PRX: variants seen among roughly 807,000 people sequenced by gnomAD.
PRX encodes periaxin.
A neutral mutation model predicts 29.6 loss-of-function variants in PRX; 24 were observed. The ratio of observed to expected loss-of-function variants is 0.81; its 90% CI spans 0.59 to 1.14. PRX has a LOEUF of 1.14. PRX is among the 50% of genes most tolerant of loss of function. The pLI is 0.00. For synonymous variants in PRX, 772 were observed against 831.7 expected, an observed-to-expected ratio of 0.93 and a Z score of 1.24; for missense variants, 1,838 against 1,926.4, an observed-to-expected ratio of 0.95 and a Z score of 0.86.
At chr19:40,405,926 C>T (rs1042495159) in intron 4 of PRX, among the ~76,000 whole-genome samples, 68 of 151,502 alleles carry the variant, frequency 4.5e-4, no homozygotes, top group African/African-American at 1.5e-3. Context: ...CATGAGCCAC[C>T]GCGCCCGGCC....
chr19:40,410,672 A>T (rs1321638232), intron 1 of PRX, among the ~76,000 whole-genome samples: 1 of 152,150 alleles, frequency 6.6e-6, no homozygotes, highest in Non-Finnish European at 1.5e-5. Flanking sequence ...GGGGTTCGAG[A>T]CCAGTCTGGC....
At position 40,398,905 on chromosome 19, in the gene PRX, T is replaced by G; in HGVS notation, c.185-89A>C. ...GCCCACTTGCACGGAGCCCTCGCGGTGAGGACCCGCCCCAAATTTTAGTTT... is the reference window on the plus strand; with the variant it reads ...GCCCACTTGCACGGAGCCCTCGCGGGGAGGACCCGCCCCAAATTTTAGTTT... On this transcript the variant is annotated intron_variant, in intron 5 of 6. Coordinates refer to ENST00000324001, the MANE Select transcript of PRX (RefSeq NM_181882.3). The surrounding 1 kb of genome is among the most constrained non-coding windows in gnomAD (Gnocchi z 6.3). 1 of 1,586,366 alleles carries G rather than the reference T, an allele frequency of 6.3e-7. No homozygotes were observed. The highest frequency in any genetic ancestry group is 8.6e-7 in the Non-Finnish European group (1 of 1,165,932).
In PRX at chr19:40,398,104, C is replaced by T. The variant is rs2079460701; in HGVS notation, c.382-134G>A. The stretch of plus-strand genomic sequence containing the variant: ...TATCTTGTTCCCCAAACATCATCCC[C>T]ACTTCTTGCCTGTCATTTCACCATG... On this transcript the variant is annotated intron_variant, in intron 6 of 6. Coordinates refer to ENST00000324001, the MANE Select transcript of PRX (RefSeq NM_181882.3). This position sits in a 1 kb window ranked among gnomAD's most constrained non-coding sequence, Gnocchi z 6.3. 1 of 1,444,384 alleles carries T rather than the reference C, an allele frequency of 6.9e-7. No individual in the cohort carries two copies. Among genetic ancestry groups the T allele is most frequent in the Non-Finnish European group, 9.1e-7 (1 of 1,100,890 alleles). The allele number at this position is 1,444,384 out of a possible 1,614,324, so 89.5% of individuals were successfully genotyped here. A position where few individuals can be genotyped will look rare whatever the true frequency, so the allele number is the denominator to read the frequency against.
At position 40,398,271 on chromosome 19, in the gene PRX, GGAGA is replaced by G; in HGVS notation, c.382-305_382-302del. The stretch of plus-strand genomic sequence containing the variant: ...TAGAGATGGGGAAACTGAGGCCCAG[GGAGA>G]GAAACAACTTTGTCCAGGGCCACTC... On this transcript the variant is annotated intron_variant, in intron 6 of 6. Coordinates refer to ENST00000324001, the MANE Select transcript of PRX (RefSeq NM_181882.3). The surrounding 1 kb of genome is among the most constrained non-coding windows in gnomAD (Gnocchi z 6.3). The G allele has an allele frequency of 4.2e-6, 6 of 1,415,368 alleles. No individual in the cohort carries two copies. The highest frequency in any genetic ancestry group is 5.5e-6 in the Non-Finnish European group (6 of 1,089,000). 87.7% of individuals were successfully genotyped at this position (1,415,368 alleles called of 1,614,324 possible).
rs2079412833 is a variant in PRX at position 40,394,637 on chromosome 19, C to A, written c.3715G>T (p.Gly1239Cys). 6.2e-7 allele frequency: 1 copy of A among 1,607,532 alleles called. No individual in the cohort carries two copies. The highest frequency in any genetic ancestry group is 8.5e-7 in the Non-Finnish European group (1 of 1,179,766). The change falls in exon 7 of 7, where the codon GGC becomes TGC. Residue 1239 changes from glycine (G) to cysteine (C), a missense_variant. Coordinates refer to ENST00000324001, the MANE Select transcript of PRX (RefSeq NM_181882.3). This position sits in a 1 kb window ranked among gnomAD's most constrained non-coding sequence, Gnocchi z 5.8. The stretch of plus-strand genomic sequence containing the variant: ...AACTTCAGCCTCAGCCCACCCTCGC[C>A]TGTGGCCGCCTCGCCCGCCTGTGCC... ...REAQAGEAATGEGGLRLKLPT... is the reference protein window; with the variant it reads ...REAQAGEAATCEGGLRLKLPT...
intron 1 of PRX, among the ~76,000 whole-genome samples, chr19:40,408,790 C>T (rs1033837763): frequency 6.7e-6 from 1 of 148,796 alleles, no homozygotes; most frequent in African/African-American, 2.6e-5. Flanking sequence ...GCCACAACAC[C>T]CGGCTACGTT....
In PRX at chr19:40,396,051, A is replaced by G. The variant is rs774839817; in HGVS notation, c.2301T>C (p.His767=). The G allele has an allele frequency of 1.2e-6, 2 of 1,614,064 alleles. No individual in the cohort carries two copies. The highest frequency in any genetic ancestry group is 2.2e-5 in the South Asian group (2 of 91,078). ...GCTTCACCTCTGGTGCCTTCGGAAG[A>G]TGCACGTCGGGAACCTTCGGCACTT... ...EMQVPKVPDV[H]LPKAPEVKLP... is the part of the protein sequence containing the mutation. Residue 767 remains histidine (H), a synonymous_variant, in exon 7 of 7, where the codon CAT becomes CAC. Transcript: ENST00000324001.
At position 40,396,405 on chromosome 19, in the gene PRX, C is replaced by A; in HGVS notation, c.1947G>T (p.Val649=). 6.2e-7 allele frequency: 1 copy of A among 1,613,918 alleles called. No homozygotes were observed. The highest frequency in any genetic ancestry group is 8.5e-7 in the Non-Finnish European group (1 of 1,179,984). The change falls in exon 7 of 7, where the codon GTG becomes GTT. Residue 649 remains valine, a synonymous_variant. Coordinates refer to ENST00000324001, the MANE Select transcript of PRX (RefSeq NM_181882.3). ...GCACTTCCGGGAGGTGCACATCGGG[C>A]ACAGCCATCTCGGGCACCTTCGGGA... is the stretch of plus-strand genomic sequence containing the variant. ...VKLPKVPEMA[V]PDVHLPEVQL...
chr19:40,405,974 C>T (rs1190366374), intron 4 of PRX, among the ~76,000 whole-genome samples: 1 of 151,086 alleles, frequency 6.6e-6, no homozygotes, highest in Non-Finnish European at 1.5e-5. Context: ...AGGCCAGGCG[C>T]GGTAGCTCAC....
intron 5 of PRX, 96 bp downstream of exon 5, chr19:40,403,610 A>C: frequency 4.3e-6 from 6 of 1,394,694 alleles, no homozygotes; most frequent in African/African-American, 1.4e-5. Flanking sequence ...TCACGCCCCC[A>C]TCCCCCGGTC....
At position 40,396,716 on chromosome 19, in the gene PRX, C is replaced by G; in HGVS notation, c.1636G>C (p.Val546Leu). Residue 546 changes from valine (V) to leucine (L), a missense_variant, in exon 7 of 7, where the codon GTA becomes CTA. Physicochemically the swap from Val to Leu is conservative, Grantham distance 32. This residue lies in a region of PRX where 29 missense variants were observed against 68.4 expected (regional missense o/e 0.42). Coordinates refer to ENST00000324001, the MANE Select transcript of PRX (RefSeq NM_181882.3). The stretch of plus-strand genomic sequence containing the variant: ...ATCTCTGACACTTTCGGCAGCTGTA[C>G]CTCTGGAAGCCGCACCTCCGGCACA... The part of the protein sequence containing the change: ...MAVPEVRLPE[V>L]QLPKVSEMKL... The G allele has an allele frequency of 6.2e-7, 1 of 1,613,270 alleles. No individual in the cohort carries two copies.
rs538922683 is a variant in PRX, at chr19:40,395,302, T to C, written c.3050A>G (p.Lys1017Arg). 1.2e-6 allele frequency: 2 copies of C among 1,613,594 alleles called. No homozygotes were observed. The highest frequency in any genetic ancestry group is 4.5e-5 in the East Asian group (2 of 44,852). Reference sequence around the variant, plus strand: ...CTTGGGGAGAGCAAACCTGGGCCCCTTGAACTTGAGGTCGGCCCCTGCCAC... The same window carrying C: ...CTTGGGGAGAGCAAACCTGGGCCCCCTGAACTTGAGGTCGGCCCCTGCCAC... ...VEVAGADLKF[K>R]GPRFALPKFG... The change falls in exon 7 of 7, where the codon AAG becomes AGG. Residue 1017 changes from lysine (K) to arginine (R), a missense_variant. By Grantham distance (26) the Lys-to-Arg change is conservative. Around this residue, in one of 3 missense-constraint regions of PRX, gnomAD observed 1,143 missense variants for 1,193.0 expected, o/e 0.96. Transcript: ENST00000324001.
rs199948451 is a variant in PRX at position 40,394,781 on chromosome 19, T to A, written c.3571A>T (p.Thr1191Ser). ...ACCTGGGCTCCAGGCAGAGACAGGG[T>A]CACCTGGGGCACCTGAACCCTGTAG... ...AGYRVQVPQV[T>S]LSLPGAQVAG... is the part of the protein sequence containing the mutation. Residue 1191 changes from threonine (T) to serine (S), a missense_variant, in exon 7 of 7, where the codon ACC (threonine) becomes TCC (serine). By Grantham distance (58) the Thr-to-Ser change is moderately conservative. Around this residue, in one of 3 missense-constraint regions of PRX, gnomAD observed 1,143 missense variants for 1,193.0 expected, o/e 0.96. Transcript: ENST00000324001. This position sits in a 1 kb window ranked among gnomAD's most constrained non-coding sequence, Gnocchi z 5.8. 6.2e-7 allele frequency: 1 copy of A among 1,613,566 alleles called. No individual in the cohort carries two copies. Among genetic ancestry groups the A allele is most frequent in the Non-Finnish European group, 8.5e-7 (1 of 1,179,990 alleles).
In PRX at chr19:40,398,933, C is replaced by T; in HGVS notation, c.185-117G>A. On this transcript the variant is annotated intron_variant, in intron 5 of 6. Transcript: ENST00000324001. The surrounding 1 kb of genome is among the most constrained non-coding windows in gnomAD (Gnocchi z 6.3). ...GGACCCGCCCCAAATTTTAGTTTCT[C>T]CAATCCCCAGCGCAGGATTAAGTCG... 1 of 1,545,662 alleles carries T rather than the reference C, an allele frequency of 6.5e-7. No individual in the cohort carries two copies. Among genetic ancestry groups the T allele is most frequent in the Non-Finnish European group, 8.7e-7 (1 of 1,146,114 alleles).
At chr19:40,409,135 A>C (rs1196239121) in intron 1 of PRX, among the ~76,000 whole-genome samples, 1 of 152,066 alleles carries the variant, frequency 6.6e-6, no homozygotes, top group Non-Finnish European at 1.5e-5. Flanking sequence ...TACAGGCATG[A>C]GCCTCCACAC....
At chr19:40,414,409 C>A (rs1156457637), upstream of PRX, among the ~76,000 whole-genome samples, 1 of 152,226 alleles carries the variant, frequency 6.6e-6, no homozygotes, top group African/African-American at 2.4e-5. Flanking sequence ...CAGGCGTGAG[C>A]CACCGCGTCC....
chr19:40,412,647 G>T (rs533414707), intron 1 of PRX, among the ~76,000 whole-genome samples: 3 of 152,228 alleles, frequency 2.0e-5, no homozygotes, highest in South Asian at 4.1e-4. Context: ...CTCCCAACAG[G>T]ATCCATGCTG....
Position 40,398,774 on chromosome 19 carries a change from T to A in PRX, c.227A>T (p.Lys76Met). Residue 76 changes from lysine (K) to methionine (M), a missense_variant, in exon 6 of 7, where the codon AAG becomes ATG. This residue lies in a region of PRX where 666 missense variants were observed against 665.0 expected (regional missense o/e 1.00). Coordinates refer to ENST00000324001, the MANE Select transcript of PRX (RefSeq NM_181882.3). This position sits in a 1 kb window ranked among gnomAD's most constrained non-coding sequence, Gnocchi z 6.3. ...CAGCAGGCGTAGTGCGTCCTCGTAC[T>A]TGAAGTTCTCGAAGAACACTCGGGC... The part of the protein sequence containing the change: ...LSARVFFENF[K>M]YEDALRLLQC... The A allele has an allele frequency of 1.9e-6, 3 of 1,614,064 alleles. No homozygotes were observed. The highest frequency in any genetic ancestry group is 2.5e-6 in the Non-Finnish European group (3 of 1,179,956).
rs371192524 is a variant in PRX at position 40,395,405 on chromosome 19, C to T, written c.2947G>A (p.Ala983Thr). ...AGATCGAGGGCAGGCAGCAGGCCTG[C>T]CTCCCCAGCCCCTTTGGCCTCAGCC... ...AEAEAKGAGEAGLLPALDLSI... is the reference protein window; with the variant it reads ...AEAEAKGAGETGLLPALDLSI... Residue 983 changes from alanine (A) to threonine (T), a missense_variant, in exon 7 of 7, where the codon GCA (alanine) becomes ACA (threonine). Coordinates refer to ENST00000324001, the MANE Select transcript of PRX (RefSeq NM_181882.3). The T allele has an allele frequency of 1.2e-6, 2 of 1,613,896 alleles. No individual in the cohort carries two copies. Among genetic ancestry groups the T allele is most frequent in the African/African-American group, 2.7e-5 (2 of 74,922 alleles).
Sources: allele counts gnomAD v4.1 joint callset (sites outside exome capture counted in the v4.1 genomes callset), GRCh38; gene constraint gnomAD v4.1.1; regional missense constraint gnomAD v4.1.1; non-coding constraint Gnocchi (gnomAD v3.1); transcripts MANE v1.5; gene names NCBI Gene and HGNC (gene_info 2026-07-23, HGNC 2026-07-21).